The following HIVEP3 variants were observed in gnomAD, a reference collection of about 807,000 sequenced individuals.
The protein encoded by HIVEP3 is transcription factor HIVEP3.
In HIVEP3, 49 loss-of-function variants were observed where a neutral mutation model predicts 152.8. The ratio of observed to expected loss-of-function variants is 0.32; its 90% CI spans 0.26 to 0.41. The LOEUF is 0.41. Ranked by LOEUF, HIVEP3 falls within the 10% of genes least tolerant of loss-of-function variation. The pLI is 1.00. For missense variants in HIVEP3, 2,790 were observed against 3,103.3 expected (o/e 0.90, Z 2.40); for synonymous variants, 1,269 against 1,289.0 (o/e 0.98, Z 0.33).
At chr1:41,718,504 A>G (rs1646628354) in intron 1 of HIVEP3, among the ~76,000 whole-genome samples, 1 of 152,236 alleles carries the variant, frequency 6.6e-6, no homozygotes, top group Non-Finnish European at 1.5e-5. Context: ...TGAGACTTCA[A>G]TAACACTGGT....
At position 41,758,758 on chromosome 1, in the gene HIVEP3, G is replaced by A. The variant is rs146917577; in HGVS notation, c.-800-57763C>T. 6.0e-3 allele frequency among the ~76,000 whole-genome samples: 918 copies of A among 152,328 alleles called. 21 individuals carry two copies. The South Asian group carries it at 0.078, about 13-fold the overall frequency. On this transcript the variant is annotated intron_variant, in intron 1 of 8. Transcript: ENST00000372583. Reference sequence around the variant, plus strand: ...AGTAGTTATGCCATTTGTGATGAAAGGATATGGGAACTAGCAGTGATTGAT... The same window carrying A: ...AGTAGTTATGCCATTTGTGATGAAAAGATATGGGAACTAGCAGTGATTGAT...
At chr1:41,842,051 G>A (rs964099266) in intron 1 of HIVEP3, among the ~76,000 whole-genome samples, 3 of 151,780 alleles carry the variant, frequency 2.0e-5, no homozygotes, top group African/African-American at 7.3e-5. Flanking sequence ...CGAGATCACA[G>A]CACTGCACTC....
At chr1:41,562,601 TTC>T (rs72509109) in intron 5 of HIVEP3, among the ~76,000 whole-genome samples, 1,893 of 126,156 alleles carry the variant, frequency 0.015, 16 homozygotes, top group Middle Eastern at 0.031. Flanking sequence ...CTTCCTTTCT[TTC>T]TCTCTCTCTC....
chr1:41,917,752 T>C (rs1258556270), intron 1 of HIVEP3, among the ~76,000 whole-genome samples: 4 of 151,992 alleles, frequency 2.6e-5, no homozygotes, highest in Admixed American at 6.5e-5. Flanking sequence ...GAATCCCCTA[T>C]AGAATAGGAG....
chr1:41,566,675 C>CA (rs1644168489), intron 5 of HIVEP3, among the ~76,000 whole-genome samples: 1 of 152,206 alleles, frequency 6.6e-6, no homozygotes, highest in South Asian at 2.1e-4. Context: ...CAGTCACCTG[C>CA]ACAGGGCCCT....
Position 41,828,256 on chromosome 1 carries a change from C to T in HIVEP3, c.-801+90157G>A, listed in dbSNP as rs181120416. ...GTCCCTGCTGGACAGCAGGACTCCCCGCTGCCCCTCACAGCTGCATCATCA... is the reference window on the plus strand; with the variant it reads ...GTCCCTGCTGGACAGCAGGACTCCCTGCTGCCCCTCACAGCTGCATCATCA... On this transcript the variant is annotated intron_variant, in intron 1 of 8. Coordinates refer to ENST00000372583, the MANE Select transcript of HIVEP3 (RefSeq NM_024503.5). 1.5e-4 allele frequency among the ~76,000 whole-genome samples: 23 copies of T among 152,300 alleles called. No homozygotes were observed. The East Asian group carries it at 3.3e-3, about 22-fold the overall frequency.
At chr1:41,610,183 C>T (rs2149132029) in intron 3 of HIVEP3, among the ~76,000 whole-genome samples, 1 of 152,344 alleles carries the variant, frequency 6.6e-6, no homozygotes, top group South Asian at 2.1e-4. Context: ...ACACACACCA[C>T]ACACATACAC....
rs966095121 is a variant in HIVEP3, at chr1:41,976,852, G to T, written n.120-58328C>A. On this transcript the variant is annotated intron_variant and non_coding_transcript_variant, in intron 1 of 3. Transcript: ENST00000489103. ...ACAAGCCGAGGAATCCGCAGAAGCTGGGAGGGTGGAACAGACCACCCCTTG... is the reference window on the plus strand; with the variant it reads ...ACAAGCCGAGGAATCCGCAGAAGCTTGGAGGGTGGAACAGACCACCCCTTG... Among the ~76,000 whole-genome samples the T allele has an allele frequency of 6.6e-5, 10 of 152,296 alleles. No homozygotes were observed. The East Asian group carries it at 7.7e-4, about 12-fold the overall frequency.
chr1:41,781,725 C>T (rs1189836542), intron 1 of HIVEP3, among the ~76,000 whole-genome samples: 3 of 152,214 alleles, frequency 2.0e-5, no homozygotes, highest in Non-Finnish European at 4.4e-5. Flanking sequence ...CTCCTCAATA[C>T]GCCTCCTTGA....
chr1:41,971,481 T>C lies in HIVEP3; in HGVS notation n.120-52957A>G, dbSNP rs141378047. 1.8e-3 allele frequency among the ~76,000 whole-genome samples: 267 copies of C among 152,170 alleles called. 3 individuals carry two copies. The highest frequency in any genetic ancestry group is 5.7e-3 in the African/African-American group (235 of 41,510). ...TGATCTGGTGCCCCCCACCCAAGTG[T>C]TTTCATGTCAAGGTACACACAGAAG... On this transcript the variant is annotated intron_variant and non_coding_transcript_variant, in intron 1 of 3. Coordinates refer to the HIVEP3 transcript ENST00000489103.
At chr1:41,593,373 G>A (rs546931930) in intron 3 of HIVEP3, among the ~76,000 whole-genome samples, 32 of 151,664 alleles carry the variant, frequency 2.1e-4, no homozygotes, top group Admixed American at 1.4e-3. Context: ...TTCTTTTTGC[G>A]GGCAGCAGCA....
chr1:41,731,982 G>T (rs577151237), intron 1 of HIVEP3, among the ~76,000 whole-genome samples: 1 of 152,382 alleles, frequency 6.6e-6, no homozygotes, highest in East Asian at 1.9e-4. Flanking sequence ...CTATGGAAGG[G>T]TCTGGCATGG....
At chr1:41,881,293 T>C (rs1360706392) in intron 1 of HIVEP3, among the ~76,000 whole-genome samples, 1 of 152,182 alleles carries the variant, frequency 6.6e-6, no homozygotes, top group Non-Finnish European at 1.5e-5. Context: ...GAGAGGTGGG[T>C]ATCAGCACAA....
intron 1 of HIVEP3, among the ~76,000 whole-genome samples, chr1:41,838,636 C>G (rs924956702): frequency 1.3e-5 from 2 of 152,180 alleles, no homozygotes; most frequent in Non-Finnish European, 2.9e-5. Context: ...GAGGCAGCAT[C>G]TCCCTGTGCA....
In HIVEP3 at chr1:41,582,873, A is replaced by G. The variant is rs1444830669; in HGVS notation, c.1925T>C (p.Ile642Thr). 3 of 1,614,046 alleles carry G rather than the reference A, an allele frequency of 1.9e-6. No individual in the cohort carries two copies. The highest frequency in any genetic ancestry group is 2.5e-6 in the Non-Finnish European group (3 of 1,180,016). ...AGCACCACATATGTTACATTCGTAG[A>G]TCACCCCTTTTGTTTTCAAACCCTT... is the stretch of plus-strand genomic sequence containing the variant. ...TKKGLKTKGV[I>T]YECNICGARY... The change falls in exon 4 of 9, where the codon ATC becomes ACC. Residue 642 changes from isoleucine to threonine, a missense_variant. This residue lies in a region of HIVEP3 where 339 missense variants were observed against 327.0 expected (regional missense o/e 1.04). Coordinates refer to ENST00000372583, the MANE Select transcript of HIVEP3 (RefSeq NM_024503.5). This position sits in a 1 kb window ranked among gnomAD's most constrained non-coding sequence, Gnocchi z 4.7.
intron 1 of HIVEP3, among the ~76,000 whole-genome samples, chr1:41,734,983 C>T (rs1247001928): frequency 6.6e-6 from 1 of 152,212 alleles, no homozygotes; most frequent in Admixed American, 6.5e-5. Context: ...CCAAACACAT[C>T]CCTTCTTCAG....
chr1:41,752,463 C>T lies in HIVEP3; in HGVS notation c.-800-51468G>A, dbSNP rs138541761. Among the ~76,000 whole-genome samples, 644 of 152,286 alleles carry T rather than the reference C, an allele frequency of 4.2e-3. 4 individuals are homozygous for T. The highest frequency in any genetic ancestry group is 0.014 in the African/African-American group (593 of 41,568). On this transcript the variant is annotated intron_variant, in intron 1 of 8. Transcript: ENST00000372583. ...GGCTCTGACTGTGATGTGGTCAGCA[C>T]GGCGATGGAGCTCCCATGGGGCACA...
chr1:41,634,743 A>G (rs942656226), intron 2 of HIVEP3, among the ~76,000 whole-genome samples: 4 of 152,222 alleles, frequency 2.6e-5, no homozygotes, highest in Non-Finnish European at 5.9e-5. Context: ...TAAATACACT[A>G]AACTGGGGCC....
chr1:42,017,871 T>C (rs1312008659), intron 1 of HIVEP3, among the ~76,000 whole-genome samples: 3 of 152,124 alleles, frequency 2.0e-5, no homozygotes, highest in Non-Finnish European at 2.9e-5. Flanking sequence ...ATAATAGCTG[T>C]ATCAGTTTAC....
Sources: allele counts gnomAD v4.1 joint callset (sites outside exome capture counted in the v4.1 genomes callset), GRCh38; gene constraint gnomAD v4.1.1; regional missense constraint gnomAD v4.1.1; non-coding constraint Gnocchi (gnomAD v3.1); transcripts MANE v1.5; gene names NCBI Gene and HGNC (gene_info 2026-07-23, HGNC 2026-07-21).